TEAD1: variants seen among roughly 807,000 people sequenced by gnomAD.
TEAD1 encodes the protein transcriptional enhancer factor TEF-1.
TEAD1 carries 9 observed loss-of-function variants against 54.9 expected under a neutral mutation model. That is an observed-to-expected ratio of 0.16 (90% CI 0.10 to 0.29). The LOEUF (loss-of-function observed/expected upper bound fraction) is 0.29. TEAD1 is among the 10% of genes least tolerant of loss of function. TEAD1 has a pLI of 1.00. For synonymous variants in TEAD1, 200 were observed against 187.8 expected (o/e 1.07, Z -0.53); for missense variants, 387 against 535.9 (o/e 0.72, Z 2.74).
intron 3 of TEAD1, among the ~76,000 whole-genome samples, chr11:12,820,086 G>A (rs2134001379): frequency 1.3e-5 from 2 of 152,160 alleles, no homozygotes; most frequent in Middle Eastern, 3.4e-3. Context: ...GGTCATGGGG[G>A]TCCACTGTGT....
Position 12,915,910 on chromosome 11 carries a change from C to T in TEAD1, c.874-9002C>T, listed in dbSNP as rs377323065. On this transcript the variant is annotated intron_variant, in intron 10 of 12. Transcript: ENST00000527636. ...AAGAGGTAATAGAGGAGAAACGAAT[C>T]CAGACTCTTATCTGGGGACTAAACT... is the stretch of plus-strand genomic sequence containing the variant. Among the ~76,000 whole-genome samples the T allele has an allele frequency of 3.9e-5, 6 of 152,082 alleles. No individual in the cohort carries two copies. The South Asian group carries it at 1.2e-3, about 32-fold the overall frequency.
At chr11:12,926,978 G>T (rs1156774860) in intron 11 of TEAD1, among the ~76,000 whole-genome samples, 1 of 152,302 alleles carries the variant, frequency 6.6e-6, no homozygotes, top group East Asian at 1.9e-4. Context: ...AGTTGTCAGG[G>T]ATGTTCTCTG....
rs1943032674 is a variant in TEAD1, at chr11:12,674,501, CCGCCGCCCGCCGCGGGCG to C, written c.-539_-522del. On this transcript the variant is annotated 5_prime_UTR_variant, in exon 1 of 13. Coordinates refer to ENST00000527636, the MANE Select transcript of TEAD1 (RefSeq NM_021961.6). ...AGCCTCTGCTGCCGCCGCCGCGGCC[CCGCCGCCCGCCGCGGGCG>C]CCCACCAAGCACTTTGCAGACTCGC... is the stretch of plus-strand genomic sequence containing the variant. The C allele has an allele frequency of 6.6e-6, 1 of 151,312 alleles. No individual in the cohort carries two copies. The highest frequency in any genetic ancestry group is 1.9e-4 in the South Asian group (1 of 5,270). The allele number at this position is 151,312 out of a possible 1,614,324, so 9.4% of individuals were successfully genotyped here.
chr11:12,715,127 G>A (rs979208705), intron 2 of TEAD1, among the ~76,000 whole-genome samples: 4 of 152,134 alleles, frequency 2.6e-5, no homozygotes, highest in Non-Finnish European at 5.9e-5. Flanking sequence ...GGGTCGGGGA[G>A]TTTAGTGGTC....
At chr11:12,730,620 G>C (rs925566082) in intron 2 of TEAD1, among the ~76,000 whole-genome samples, 2 of 150,968 alleles carry the variant, frequency 1.3e-5, no homozygotes, top group South Asian at 4.2e-4. Flanking sequence ...GAACTTTAAA[G>C]GTCTTTCAGG....
intron 9 of TEAD1, 132 bp from the exon 10 acceptor site, chr11:12,901,808 A>G: frequency 9.9e-7 from 1 of 1,006,842 alleles, no homozygotes; most frequent in African/African-American, 1.6e-5. Context: ...ATCATTTCAA[A>G]AGCATTGATC....
intron 3 of TEAD1, among the ~76,000 whole-genome samples, chr11:12,764,791 T>C (rs1251167667): frequency 6.6e-6 from 1 of 151,184 alleles, no homozygotes; most frequent in African/African-American, 2.4e-5. Context: ...ATACTGCCAC[T>C]TACCTCTAGG....
intron 10 of TEAD1, among the ~76,000 whole-genome samples, chr11:12,909,827 A>G (rs1038593411): frequency 6.6e-6 from 1 of 152,170 alleles, no homozygotes; most frequent in Non-Finnish European, 1.5e-5. Flanking sequence ...TTAAATCCCT[A>G]ATTAAACCAT....
At chr11:12,930,030 T>A (rs1213951978) in intron 11 of TEAD1, 144 bp from the exon 12 acceptor site, 12 of 885,626 alleles carry the variant, frequency 1.4e-5, no homozygotes, top group Admixed American at 7.6e-5. Context: ...AGTTTTTTTT[T>A]AATTAAGTAG....
At chr11:12,770,183 G>A (rs76936193) in intron 3 of TEAD1, among the ~76,000 whole-genome samples, 6,698 of 152,262 alleles carry the variant, frequency 0.044, 483 homozygotes, top group African/African-American at 0.15. Flanking sequence ...TTTGGTTCCT[G>A]TGAGAATAGC....
intron 2 of TEAD1, 47 bp from the exon 3 acceptor site, chr11:12,764,132 G>T: frequency 1.6e-6 from 2 of 1,234,670 alleles, no homozygotes; most frequent in Non-Finnish European, 2.3e-6. Context: ...AGAGCATTAT[G>T]TTTGTGGTTA....
chr11:12,759,065 G>A (rs1370928555), intron 2 of TEAD1, among the ~76,000 whole-genome samples: 4 of 151,794 alleles, frequency 2.6e-5, no homozygotes, highest in South Asian at 2.1e-4. Context: ...TTTGGTGATC[G>A]TTGTGTTCAA....
At chr11:12,835,465 A>G (rs1370481957) in intron 3 of TEAD1, among the ~76,000 whole-genome samples, 1 of 148,936 alleles carries the variant, frequency 6.7e-6, no homozygotes, top group African/African-American at 2.5e-5. Context: ...TCGTGCCAGC[A>G]CACCCGGCTA....
In TEAD1 at chr11:12,922,229, C is replaced by T. The variant is rs2134158713; in HGVS notation, c.874-2683C>T. Among the ~76,000 whole-genome samples the T allele has an allele frequency of 4.5e-5, 2 of 44,416 alleles. 1 individual carries two copies. Among genetic ancestry groups the T allele is most frequent in the Non-Finnish European group, 9.1e-5 (2 of 21,952 alleles). The allele number at this position is 44,416 out of a possible 152,430, so 29.1% of individuals were successfully genotyped here. ...TTTTTTTTTTTGAGACGGAGTCTCG[C>T]TCTGTCGCCCAGGCTGGAGTGCAGT... On this transcript the variant is annotated intron_variant, in intron 10 of 12. Coordinates refer to ENST00000527636, the MANE Select transcript of TEAD1 (RefSeq NM_021961.6).
At chr11:12,868,930 G>C (rs1289752520) in intron 5 of TEAD1, among the ~76,000 whole-genome samples, 1 of 152,220 alleles carries the variant, frequency 6.6e-6, no homozygotes, top group Non-Finnish European at 1.5e-5. Flanking sequence ...CTGCCCAAGT[G>C]AAAAGAATGA....
intron 10 of TEAD1, 81 bp from the exon 11 acceptor site, chr11:12,924,831 G>A (rs1489448740): frequency 6.4e-7 from 1 of 1,551,352 alleles, no homozygotes; most frequent in Non-Finnish European, 8.9e-7. Flanking sequence ...CCAAGCAGAG[G>A]TCTTACCCTG....
At chr11:12,747,240 G>A (rs1489194158) in intron 2 of TEAD1, among the ~76,000 whole-genome samples, 1 of 152,188 alleles carries the variant, frequency 6.6e-6, no homozygotes, top group Non-Finnish European at 1.5e-5. Context: ...AAATGAATGG[G>A]AAATAGTGCC....
At chr11:12,894,003 G>A (rs1948255231) in intron 9 of TEAD1, among the ~76,000 whole-genome samples, 2 of 152,176 alleles carry the variant, frequency 1.3e-5, no homozygotes, top group African/African-American at 4.8e-5. Context: ...TGCCCAGCCT[G>A]CCCTGGGGGG....
At chr11:12,929,819 C>A (rs1948981102) in intron 11 of TEAD1, among the ~76,000 whole-genome samples, 1 of 152,114 alleles carries the variant, frequency 6.6e-6, no homozygotes, top group Admixed American at 6.5e-5. Context: ...AAGAGATTTT[C>A]TTTGAAGAAC....
Sources: gnomAD v4.1 joint callset for allele counts (sites outside exome capture counted in the v4.1 genomes callset) on GRCh38, gnomAD v4.1.1 for gene constraint, MANE v1.5 for transcripts, NCBI Gene and HGNC (gene_info 2026-07-23, HGNC 2026-07-21) for gene names.